The following FARS2 variants were observed in gnomAD, a reference collection of about 807,000 sequenced individuals.
FARS2 encodes phenylalanine--tRNA ligase, mitochondrial.
A neutral mutation model predicts 46.4 loss-of-function variants in FARS2; 40 were observed. The observed-to-expected ratio is 0.86, with a 90% CI of 0.67 to 1.12. FARS2 has a LOEUF of 1.12. Among genes scored for constraint, FARS2 ranks in the 50% most tolerant of loss-of-function variants. The pLI is 0.00. For missense variants in FARS2, 513 were observed against 567.9 expected (o/e 0.90, Z 0.98); for synonymous variants, 234 against 214.9 (o/e 1.09, Z -0.78).
At chr6:5,703,304 C>G (rs570941307) in intron 6 of FARS2, among the ~76,000 whole-genome samples, 5 of 152,238 alleles carry the variant, frequency 3.3e-5, no homozygotes, top group African/African-American at 9.6e-5. Context: ...TCTGCTTACT[C>G]TCCGCTGGGT....
At chr6:5,395,322 A>G (rs1454894822) in intron 2 of FARS2, among the ~76,000 whole-genome samples, 1 of 152,160 alleles carries the variant, frequency 6.6e-6, no homozygotes, top group African/African-American at 2.4e-5. Context: ...AAGTGCTGGG[A>G]CTACAGGTGT....
chr6:5,588,862 C>T lies in FARS2; in HGVS notation c.1066-24307C>T, dbSNP rs573263477. The stretch of plus-strand genomic sequence containing the variant: ...TTCTGTTTTTCATCCTAAGGCCACG[C>T]CTGCCTGTCTTTCTACACCTTTGTC... On this transcript the variant is annotated intron_variant, in intron 5 of 6. Coordinates refer to ENST00000274680, the MANE Select transcript of FARS2 (RefSeq NM_006567.5). Among the ~76,000 whole-genome samples, 219 of 152,334 alleles carry T rather than the reference C, an allele frequency of 1.4e-3. 1 individual carries two copies. Among genetic ancestry groups the T allele is most frequent in the Non-Finnish European group, 2.4e-3 (164 of 68,036 alleles).
intron 4 of FARS2, chr6:5,466,971 ACATATTCTT>A: frequency 1.0e-6 from 1 of 985,444 alleles, no homozygotes; most frequent in Non-Finnish European, 1.2e-6. Context: ...GATAAGAGGC[ACATATTCTT>A]CAGTTCGTGC....
intron 4 of FARS2, among the ~76,000 whole-genome samples, chr6:5,500,861 G>A (rs1421193004): frequency 6.6e-6 from 1 of 152,040 alleles, no homozygotes; most frequent in African/African-American, 2.4e-5. Context: ...CCACTTGAAG[G>A]TGGTGCCACT....
intron 5 of FARS2, among the ~76,000 whole-genome samples, chr6:5,548,294 T>G (rs1361455183): frequency 1.3e-5 from 2 of 152,220 alleles, no homozygotes; most frequent in Non-Finnish European, 2.9e-5. Flanking sequence ...AGGACAGGTA[T>G]GATTTTTATG....
chr6:5,437,343 A>T (rs888281060), intron 4 of FARS2, among the ~76,000 whole-genome samples: 1 of 152,318 alleles, frequency 6.6e-6, no homozygotes, highest in Admixed American at 6.5e-5. Context: ...GGAGTGTTCT[A>T]TAAATGTCAG....
chr6:5,523,871 G>T (rs907128797), intron 4 of FARS2, among the ~76,000 whole-genome samples: 3 of 152,182 alleles, frequency 2.0e-5, no homozygotes, highest in African/African-American at 7.2e-5. Context: ...TCTCCACGTG[G>T]CTTCCCAAAT....
intron 4 of FARS2, among the ~76,000 whole-genome samples, chr6:5,514,089 C>CATATATGT (rs1768630099): frequency 1.4e-5 from 2 of 147,068 alleles, no homozygotes; most frequent in African/African-American, 5.0e-5. Flanking sequence ...AAAATCTGGA[C>CATATATGT]ATATATATAT....
At chr6:5,467,270 AT>A in intron 4 of FARS2, 1 of 190,646 alleles carries the variant, frequency 5.2e-6, no homozygotes, top group Non-Finnish European at 9.7e-6. Flanking sequence ...TTAAATGGGC[AT>A]TTTAAGGTTT....
chr6:5,296,203 G>T (rs1463350132), intron 1 of FARS2, among the ~76,000 whole-genome samples: 3 of 140,990 alleles, frequency 2.1e-5, no homozygotes, highest in Non-Finnish European at 4.5e-5. Context: ...GTGCAGTGGT[G>T]GGATCTCAGC....
At position 5,464,265 on chromosome 6, in the gene FARS2, C is replaced by T. The variant is rs80337267; in HGVS notation, c.904+33093C>T. 2.0e-3 allele frequency among the ~76,000 whole-genome samples: 306 copies of T among 152,312 alleles called. 2 individuals are homozygous for T. Among genetic ancestry groups the T allele is most frequent in the African/African-American group, 6.5e-3 (271 of 41,560 alleles). ...TGAGCTTGAGGAACAGGCTGCGACTCGGCAGAGCAGCTGGTTTGATCAGCA... is the reference window on the plus strand; with the variant it reads ...TGAGCTTGAGGAACAGGCTGCGACTTGGCAGAGCAGCTGGTTTGATCAGCA... On this transcript the variant is annotated intron_variant, in intron 4 of 6. Coordinates refer to ENST00000274680, the MANE Select transcript of FARS2 (RefSeq NM_006567.5).
At chr6:5,763,745 A>G (rs554968808) in intron 6 of FARS2, among the ~76,000 whole-genome samples, 68 of 148,730 alleles carry the variant, frequency 4.6e-4, no homozygotes, top group Non-Finnish European at 7.4e-4. Context: ...CATGATCAGA[A>G]TTTCATCTTC....
chr6:5,534,477 C>T (rs1770059966), intron 4 of FARS2, among the ~76,000 whole-genome samples: 1 of 152,160 alleles, frequency 6.6e-6, no homozygotes, highest in Non-Finnish European at 1.5e-5. Context: ...CTCTAATCTG[C>T]TTACTGTTCA....
At chr6:5,616,715 T>G (rs1205829282) in intron 6 of FARS2, among the ~76,000 whole-genome samples, 2 of 152,190 alleles carry the variant, frequency 1.3e-5, no homozygotes, top group East Asian at 3.9e-4. Context: ...TTTTGGATCT[T>G]TAGATTAGAG....
intron 6 of FARS2, among the ~76,000 whole-genome samples, chr6:5,685,285 A>G (rs1245961484): frequency 6.6e-6 from 1 of 152,190 alleles, no homozygotes; most frequent in Non-Finnish European, 1.5e-5. Flanking sequence ...TGAGCCAGGT[A>G]CAGGAACTAA....
chr6:5,654,002 G>C (rs1028407120), intron 6 of FARS2, among the ~76,000 whole-genome samples: 28 of 152,182 alleles, frequency 1.8e-4, no homozygotes, highest in Admixed American at 1.7e-3. Flanking sequence ...CATGGGTGCT[G>C]TGTGTAAGTA....
intron 1 of FARS2, among the ~76,000 whole-genome samples, chr6:5,303,995 G>T (rs1173454136): frequency 7.2e-5 from 11 of 152,066 alleles, no homozygotes; most frequent in African/African-American, 2.7e-4. Context: ...AATGCTAATG[G>T]TCCCTCTTCC....
At chr6:5,257,014 T>A (rs1240612272), upstream of FARS2, among the ~76,000 whole-genome samples, 2 of 152,178 alleles carry the variant, frequency 1.3e-5, no homozygotes, top group Non-Finnish European at 2.9e-5. Flanking sequence ...ACTATTCCTG[T>A]CCTTACTAGC....
At chr6:5,724,278 T>A (rs1355431916) in intron 6 of FARS2, among the ~76,000 whole-genome samples, 1 of 152,350 alleles carries the variant, frequency 6.6e-6, no homozygotes, top group East Asian at 1.9e-4. Flanking sequence ...TGGGTGATTC[T>A]GGGTTCCAGG....
Sources: gnomAD v4.1 joint callset for allele counts (sites outside exome capture counted in the v4.1 genomes callset) on GRCh38, gnomAD v4.1.1 for gene constraint, MANE v1.5 for transcripts, NCBI Gene and HGNC (gene_info 2026-07-23, HGNC 2026-07-21) for gene names.